EYS: variants seen among roughly 807,000 people sequenced by gnomAD.
EYS encodes the protein EGF-like photoreceptor maintenance factor.
A neutral mutation model predicts 282.1 loss-of-function variants in EYS; 250 were observed. The observed-to-expected ratio is 0.89, with a 90% CI of 0.80 to 0.98. EYS has a LOEUF of 0.98. EYS is among the 50% of genes least tolerant of loss of function. EYS has a pLI of 0.00. For missense variants in EYS, 4,016 were observed against 3,709.0 expected, an observed-to-expected ratio of 1.08 and a Z score of -2.15; for synonymous variants, 1,355 against 1,282.9, an observed-to-expected ratio of 1.06 and a Z score of -1.20.
intron 29 of EYS, among the ~76,000 whole-genome samples, chr6:64,324,938 C>T (rs932260094): frequency 2.0e-5 from 3 of 152,068 alleles, no homozygotes; most frequent in African/African-American, 2.4e-5. Context: ...AAGAGAACTA[C>T]AAAACACTGC....
At chr6:64,891,478 C>T (rs182394409) in intron 18 of EYS, among the ~76,000 whole-genome samples, 1 of 152,174 alleles carries the variant, frequency 6.6e-6, no homozygotes, top group East Asian at 1.9e-4. Flanking sequence ...TTACTTTGCA[C>T]TTAACGTTGG....
intron 7 of EYS, among the ~76,000 whole-genome samples, chr6:65,393,529 G>T (rs1160915486): frequency 6.6e-6 from 1 of 152,044 alleles, no homozygotes; most frequent in Non-Finnish European, 1.5e-5. Flanking sequence ...AAATTAATAA[G>T]AAAATATAAT....
At chr6:65,617,628 T>C (rs1456072403) in intron 2 of EYS, among the ~76,000 whole-genome samples, 1 of 151,788 alleles carries the variant, frequency 6.6e-6, no homozygotes, top group Non-Finnish European at 1.5e-5. Context: ...TGTATACATG[T>C]GCCATGCTGG....
chr6:64,329,174 C>T (rs1412830068), intron 29 of EYS, among the ~76,000 whole-genome samples: 1 of 152,062 alleles, frequency 6.6e-6, no homozygotes, highest in East Asian at 1.9e-4. Context: ...GTGTGGAGCA[C>T]TCGGTAGTAA....
chr6:65,584,076 G>A (rs1764958018), intron 2 of EYS, among the ~76,000 whole-genome samples: 4 of 151,902 alleles, frequency 2.6e-5, no homozygotes, highest in Admixed American at 2.6e-4. Flanking sequence ...GACAAATAGA[G>A]AAAAACACAA....
intron 22 of EYS, among the ~76,000 whole-genome samples, chr6:64,679,623 G>A (rs1451145115): frequency 1.3e-5 from 2 of 152,108 alleles, no homozygotes; most frequent in Non-Finnish European, 2.9e-5. Flanking sequence ...CCCTTGATAT[G>A]ATTAAATAAG....
intron 2 of EYS, among the ~76,000 whole-genome samples, chr6:65,503,867 G>T (rs1340633277): frequency 2.0e-5 from 3 of 151,564 alleles, no homozygotes; most frequent in Non-Finnish European, 4.4e-5. Context: ...TTGCTTAATG[G>T]TTAAGTGTTG....
intron 36 of EYS, among the ~76,000 whole-genome samples, chr6:63,827,866 A>AAT (rs1554175914): frequency 5.1e-4 from 76 of 148,504 alleles, no homozygotes; most frequent in East Asian, 2.0e-3. Flanking sequence ...AAAAAAAAAA[A>AAT]AAAAAGAAAT....
intron 13 of EYS, among the ~76,000 whole-genome samples, chr6:65,018,075 C>G (rs1027776159): frequency 6.6e-6 from 1 of 152,132 alleles, no homozygotes; most frequent in African/African-American, 2.4e-5. Context: ...CTACTTTTGA[C>G]TAGAAATGAG....
At chr6:63,976,467 T>C (rs1463895173) in intron 35 of EYS, among the ~76,000 whole-genome samples, 3 of 152,038 alleles carry the variant, frequency 2.0e-5, no homozygotes, top group Admixed American at 2.0e-4. Flanking sequence ...AGTTACATGC[T>C]CACTTGTAGG....
At chr6:64,166,523 A>T (rs1261250440) in intron 31 of EYS, among the ~76,000 whole-genome samples, 1 of 152,156 alleles carries the variant, frequency 6.6e-6, no homozygotes, top group Non-Finnish European at 1.5e-5. Context: ...GAAGTAGGAG[A>T]AATACAAGAA....
chr6:65,508,326 C>T (rs1369221689), intron 2 of EYS, among the ~76,000 whole-genome samples: 1 of 151,966 alleles, frequency 6.6e-6, no homozygotes, highest in African/African-American at 2.4e-5. Context: ...CTATGATCCT[C>T]CAGTTAAATC....
At chr6:64,772,725 T>G (rs1773561562) in intron 22 of EYS, among the ~76,000 whole-genome samples, 1 of 151,900 alleles carries the variant, frequency 6.6e-6, no homozygotes, top group Admixed American at 6.6e-5. Flanking sequence ...TCAATGGTTT[T>G]AATTTTTATC....
chr6:65,531,669 C>T (rs1025142750), intron 2 of EYS, among the ~76,000 whole-genome samples: 7 of 152,144 alleles, frequency 4.6e-5, no homozygotes, highest in East Asian at 1.9e-4. Context: ...ATTTTATGCA[C>T]GCTGCTCAGT....
intron 13 of EYS, among the ~76,000 whole-genome samples, chr6:65,043,262 T>G (rs1317476404): frequency 6.6e-6 from 1 of 151,564 alleles, no homozygotes; most frequent in South Asian, 2.1e-4. Context: ...ATGTAGTAAG[T>G]GTTTAAAGCA....
intron 12 of EYS, among the ~76,000 whole-genome samples, chr6:65,252,529 C>T (rs1400954311): frequency 2.6e-5 from 4 of 151,964 alleles, no homozygotes; most frequent in African/African-American, 7.2e-5. Context: ...TAAGATCCAG[C>T]GTCTCATATT....
At chr6:64,583,350 G>C (rs1333221902) in intron 26 of EYS, among the ~76,000 whole-genome samples, 1 of 152,022 alleles carries the variant, frequency 6.6e-6, no homozygotes, top group Non-Finnish European at 1.5e-5. Flanking sequence ...ACGTAGAAAA[G>C]AAAAATGATG....
At chr6:64,837,374 T>C (rs1007348942) in intron 19 of EYS, among the ~76,000 whole-genome samples, 2 of 151,004 alleles carry the variant, frequency 1.3e-5, no homozygotes, top group Non-Finnish European at 3.0e-5. Context: ...GCTAACAACA[T>C]ACGAAAGGGG....
chr6:65,680,759 AT>A (rs1490342388), intron 1 of EYS, among the ~76,000 whole-genome samples: 1 of 151,968 alleles, frequency 6.6e-6, no homozygotes, highest in East Asian at 1.9e-4. Flanking sequence ...AGATGTGGGG[AT>A]TCCTCACCAT....
Sources: gnomAD v4.1 joint callset for allele counts (sites outside exome capture counted in the v4.1 genomes callset) on GRCh38, gnomAD v4.1.1 for gene constraint, MANE v1.5 for transcripts, NCBI Gene and HGNC (gene_info 2026-07-23, HGNC 2026-07-21) for gene names.